The following DCC variants were observed in gnomAD, a reference collection of about 807,000 sequenced individuals.
DCC encodes the protein DCC netrin 1 receptor.
Under a neutral mutation model 172.5 loss-of-function variants are expected in DCC, and 58 were observed. The ratio of observed to expected loss-of-function variants is 0.34; its 90% confidence interval spans 0.27 to 0.42. The LOEUF (loss-of-function observed/expected upper bound fraction) is 0.42, where lower values mean the gene tolerates loss of function less well. DCC is among the 10% of genes least tolerant of loss of function. The pLI, the probability that DCC is intolerant of heterozygous loss-of-function variation, is 1.00. For missense variants in DCC, 1,740 were observed against 1,791.0 expected (o/e 0.97, Z 0.51); for synonymous variants, 709 against 644.5 (o/e 1.10, Z -1.52).
intron 15 of DCC, among the ~76,000 whole-genome samples, chr18:53,362,708 A>G (rs1319069404): frequency 2.6e-5 from 4 of 152,080 alleles, no homozygotes; most frequent in African/African-American, 7.2e-5. Flanking sequence ...TAATGTGAAG[A>G]CTATACTTTT....
At chr18:53,432,382 G>A (rs907249895) in intron 21 of DCC, among the ~76,000 whole-genome samples, 81 of 152,182 alleles carry the variant, frequency 5.3e-4, no homozygotes, top group African/African-American at 1.8e-3. Context: ...AGGACTATGC[G>A]TTGCATGTAG....
chr18:52,506,021 G>T (rs2031217567), intron 1 of DCC, among the ~76,000 whole-genome samples: 2 of 152,136 alleles, frequency 1.3e-5, no homozygotes, highest in African/African-American at 2.4e-5. Context: ...GGCTGACAGG[G>T]TTAAGAAAAG....
intron 1 of DCC, among the ~76,000 whole-genome samples, chr18:52,525,068 A>G (rs1189460370): frequency 6.6e-6 from 1 of 152,084 alleles, no homozygotes; most frequent in Non-Finnish European, 1.5e-5. Flanking sequence ...GTAAGAATAA[A>G]GTTAAATTAT....
chr18:52,935,296 T>C (rs567012419), intron 5 of DCC, among the ~76,000 whole-genome samples: 1 of 152,134 alleles, frequency 6.6e-6, no homozygotes, highest in Non-Finnish European at 1.5e-5. Flanking sequence ...TTCGCTATCA[T>C]CCCTTTATTT....
intron 15 of DCC, among the ~76,000 whole-genome samples, chr18:53,362,565 C>T (rs563328306): frequency 1.3e-5 from 2 of 152,222 alleles, no homozygotes; most frequent in Admixed American, 6.5e-5. Context: ...CAGATCTTGT[C>T]AGTGTGGGGT....
chr18:52,677,980 C>G (rs992619050), intron 1 of DCC, among the ~76,000 whole-genome samples: 3 of 152,210 alleles, frequency 2.0e-5, no homozygotes, highest in Non-Finnish European at 2.9e-5. Flanking sequence ...AAATACAGAA[C>G]AAACAAAAGG....
intron 1 of DCC, among the ~76,000 whole-genome samples, chr18:52,547,727 G>C (rs1355037599): frequency 2.0e-5 from 3 of 152,262 alleles, no homozygotes; most frequent in South Asian, 2.1e-4. Context: ...GCATGTTAAG[G>C]TGAAGGAACA....
At chr18:52,921,702 TAAA>T (rs1169051432) in intron 3 of DCC, among the ~76,000 whole-genome samples, 125 of 124,102 alleles carry the variant, frequency 1.0e-3, no homozygotes, top group Middle Eastern at 4.4e-3. Flanking sequence ...ATCTCAAAAA[TAAA>T]AATAATAATA....
intron 2 of DCC, among the ~76,000 whole-genome samples, chr18:52,796,331 T>A (rs1359861356): frequency 6.6e-6 from 1 of 152,126 alleles, no homozygotes; most frequent in Non-Finnish European, 1.5e-5. Context: ...TTATGGTTTA[T>A]CATCATGGTT....
At chr18:53,403,119 C>T (rs72933414) in intron 19 of DCC, among the ~76,000 whole-genome samples, 35,750 of 143,864 alleles carry the variant, frequency 0.25, 4,744 homozygotes, top group East Asian at 0.41. Flanking sequence ...CACACACACA[C>T]GTCATTTGAT....
chr18:53,017,688 A>G (rs2041828340), intron 5 of DCC, among the ~76,000 whole-genome samples: 1 of 152,194 alleles, frequency 6.6e-6, no homozygotes, highest in Non-Finnish European at 1.5e-5. Context: ...AAATGTATAC[A>G]TGCTCATAGA....
chr18:53,145,174 G>A (rs969504475), intron 7 of DCC, among the ~76,000 whole-genome samples: 1 of 142,328 alleles, frequency 7.0e-6, no homozygotes, highest in African/African-American at 2.6e-5. Context: ...GAGTGCAGTG[G>A]CGCGATCTCG....
chr18:53,346,657 T>C (rs1182517976), intron 15 of DCC, among the ~76,000 whole-genome samples: 1 of 152,166 alleles, frequency 6.6e-6, no homozygotes, highest in African/African-American at 2.4e-5. Flanking sequence ...TTTCTACTAC[T>C]CTGTTGAGAT....
intron 15 of DCC, among the ~76,000 whole-genome samples, chr18:53,350,005 G>C (rs1423168619): frequency 6.6e-6 from 1 of 152,072 alleles, no homozygotes; most frequent in Admixed American, 6.6e-5. Context: ...ATAAAGTATA[G>C]TGTTCAACTT....
At chr18:52,968,148 A>T (rs2040966327) in intron 5 of DCC, among the ~76,000 whole-genome samples, 1 of 152,154 alleles carries the variant, frequency 6.6e-6, no homozygotes, top group Admixed American at 6.6e-5. Context: ...GCAAAGTTCC[A>T]TCCTCCAGCT....
At position 53,057,079 on chromosome 18, in the gene DCC, T is replaced by TAAAAAAA. The variant is rs11316527; in HGVS notation, c.986-6208_986-6202dup. Among the ~76,000 whole-genome samples the TAAAAAAA allele has an allele frequency of 4.7e-3, 415 of 89,150 alleles. 1 individual carries two copies. The highest frequency in any genetic ancestry group is 5.3e-3 in the Non-Finnish European group (247 of 46,482). The allele number at this position is 89,150 out of a possible 152,430, so 58.5% of individuals were successfully genotyped here. Reference sequence around the variant, plus strand: ...TGAATAGCTAAGTAACTTCTAAAAGTAAAAAAAAAAAAAAAAAAAAAAAAG... The same window carrying TAAAAAAA: ...TGAATAGCTAAGTAACTTCTAAAAGTAAAAAAAAAAAAAAAAAAAAAAAAAAAAAAAG... On this transcript the variant is annotated intron_variant, in intron 5 of 28. Coordinates refer to ENST00000442544, the MANE Select transcript of DCC (RefSeq NM_005215.4).
At chr18:53,529,974 C>A (rs1324219233) in intron 28 of DCC, among the ~76,000 whole-genome samples, 2 of 152,080 alleles carry the variant, frequency 1.3e-5, no homozygotes, top group East Asian at 1.9e-4. Context: ...TTTCCACACA[C>A]AAACTAAAGT....
chr18:52,559,815 GGAGA>G (rs895709877), intron 1 of DCC, among the ~76,000 whole-genome samples: 9 of 152,066 alleles, frequency 5.9e-5, no homozygotes, highest in African/African-American at 2.2e-4. Context: ...ATATTGTGGA[GGAGA>G]GAGAGAGAAA....
At chr18:52,706,828 G>A (rs992599160) in intron 1 of DCC, among the ~76,000 whole-genome samples, 15 of 152,202 alleles carry the variant, frequency 9.9e-5, no homozygotes, top group African/African-American at 3.4e-4. Context: ...AACATGGTGA[G>A]AGTTGTGCTA....
Sources: gnomAD v4.1 joint callset for allele counts (sites outside exome capture counted in the v4.1 genomes callset) on GRCh38, gnomAD v4.1.1 for gene constraint, MANE v1.5 for transcripts, NCBI Gene and HGNC (gene_info 2026-07-23, HGNC 2026-07-21) for gene names.